Variants in MAP3K13 observed in about 807,000 individuals in gnomAD.
MAP3K13 encodes the protein leucine zipper-bearing kinase.
In MAP3K13, 52 loss-of-function variants were observed where a neutral mutation model predicts 104.0. The observed-to-expected ratio is 0.50, with a 90% CI of 0.40 to 0.63. The LOEUF (loss-of-function observed/expected upper bound fraction) is 0.63. Among genes scored for constraint, MAP3K13 ranks in the 20% least tolerant of loss-of-function variants. MAP3K13 has a pLI of 0.00. For synonymous variants in MAP3K13, 394 were observed against 442.2 expected (o/e 0.89, Z 1.37); for missense variants, 914 against 1,218.5 (o/e 0.75, Z 3.72).
intron 1 of MAP3K13, among the ~76,000 whole-genome samples, chr3:185,410,283 C>T (rs914871363): frequency 2.0e-5 from 3 of 152,110 alleles, no homozygotes; most frequent in South Asian, 4.2e-4. Flanking sequence ...CTCATTCATA[C>T]GCAGAAGCTA....
intron 2 of MAP3K13, among the ~76,000 whole-genome samples, chr3:185,321,178 C>T (rs200074817): frequency 6.7e-6 from 1 of 149,282 alleles, no homozygotes; most frequent in Non-Finnish European, 1.5e-5. Context: ...CGTGCACACA[C>T]ATATACACAT....
At chr3:185,345,923 A>G (rs1262587933) in intron 2 of MAP3K13, among the ~76,000 whole-genome samples, 1 of 148,780 alleles carries the variant, frequency 6.7e-6, no homozygotes, top group Non-Finnish European at 1.5e-5. Context: ...GACATAGTGT[A>G]TTACAGAATC....
At chr3:185,365,674 T>C (rs6769142) in intron 1 of MAP3K13, among the ~76,000 whole-genome samples, 34,222 of 151,502 alleles carry the variant, frequency 0.23, 4,116 homozygotes, top group Admixed American at 0.29. Context: ...AAAATAAAAA[T>C]AAAAAAATCA....
At chr3:185,362,964 C>CACACAT (rs1454201406), upstream of MAP3K13, 1 of 268,122 alleles carries the variant, frequency 3.7e-6, no homozygotes, top group Admixed American at 6.5e-5. Flanking sequence ...CACGCACACA[C>CACACAT]ACACACACAC....
chr3:185,328,022 AAAAT>A (rs544845777), intron 2 of MAP3K13, among the ~76,000 whole-genome samples: 1 of 152,002 alleles, frequency 6.6e-6, no homozygotes, highest in Non-Finnish European at 1.5e-5. Flanking sequence ...AGGAAGGAAT[AAAAT>A]AAAGAAATAT....
intron 1 of MAP3K13, among the ~76,000 whole-genome samples, chr3:185,404,428 C>A (rs1018809808): frequency 6.6e-5 from 10 of 152,134 alleles, no homozygotes; most frequent in African/African-American, 2.4e-4. Context: ...AAATTGATGG[C>A]AAAGTTTACA....
chr3:185,463,083 T>C (rs1717205846), intron 7 of MAP3K13, among the ~76,000 whole-genome samples: 1 of 152,224 alleles, frequency 6.6e-6, no homozygotes, highest in Non-Finnish European at 1.5e-5. Flanking sequence ...TCTTCTACTC[T>C]AGGTATTTTC....
At chr3:185,372,399 A>G (rs1724206010) in intron 1 of MAP3K13, among the ~76,000 whole-genome samples, 1 of 152,232 alleles carries the variant, frequency 6.6e-6, no homozygotes, top group Non-Finnish European at 1.5e-5. Context: ...TGCTTGTGTT[A>G]ATGATTGAAG....
intron 12 of MAP3K13, among the ~76,000 whole-genome samples, chr3:185,477,847 G>T (rs1718217716): frequency 6.6e-6 from 1 of 152,188 alleles, no homozygotes; most frequent in South Asian, 2.1e-4. Context: ...AGTTCCTGAT[G>T]AGGGCTCTCC....
chr3:185,394,100 A>G (rs1253026486), intron 1 of MAP3K13, among the ~76,000 whole-genome samples: 1 of 152,196 alleles, frequency 6.6e-6, no homozygotes, highest in Admixed American at 6.5e-5. Context: ...AGGTGGGGTC[A>G]GGGAAGAGGA....
intron 2 of MAP3K13, among the ~76,000 whole-genome samples, chr3:185,352,903 A>T (rs1577454590): frequency 6.6e-6 from 1 of 152,214 alleles, no homozygotes; most frequent in East Asian, 1.9e-4. Context: ...AATACAATAT[A>T]AATTGATTGA....
chr3:185,414,006 T>A (rs1003708088), intron 1 of MAP3K13, among the ~76,000 whole-genome samples: 4 of 152,190 alleles, frequency 2.6e-5, no homozygotes, highest in African/African-American at 9.7e-5. Flanking sequence ...TAGACCTTTT[T>A]TAGTTAAACA....
At position 185,457,959 on chromosome 3, in the gene MAP3K13, C is replaced by T. The variant is rs1452517690; in HGVS notation, c.1279-5591C>T. ...GTTACACTAAACCTCAGCTTATTCACCAAAACAATGAAGATAATCCTATCT... is the reference window on the plus strand; with the variant it reads ...GTTACACTAAACCTCAGCTTATTCATCAAAACAATGAAGATAATCCTATCT... On this transcript the variant is annotated intron_variant, in intron 7 of 13. Coordinates refer to ENST00000265026, the MANE Select transcript of MAP3K13 (RefSeq NM_004721.5). Among the ~76,000 whole-genome samples the T allele has an allele frequency of 2.0e-5, 3 of 152,136 alleles. No homozygotes were observed. The East Asian group carries it at 5.8e-4, about 29-fold the overall frequency.
chr3:185,444,611 G>A (rs1378411957), intron 4 of MAP3K13, among the ~76,000 whole-genome samples: 1 of 152,096 alleles, frequency 6.6e-6, no homozygotes. Flanking sequence ...TGATTTCTTG[G>A]CTACCAATCA....
At chr3:185,480,922 C>T (rs951928815) in intron 13 of MAP3K13, among the ~76,000 whole-genome samples, 10 of 152,170 alleles carry the variant, frequency 6.6e-5, no homozygotes, top group African/African-American at 2.2e-4. Flanking sequence ...GAAATCCACT[C>T]CCATGATCTA....
In MAP3K13 at chr3:185,488,004, T is replaced by C. The variant is rs1306508556; in HGVS notation, c.*5548T>C. ...CACTTGCCTCTACCCACTGCCCTTT[T>C]GGACAACAATTCCAATTGAAGGAAC... On this transcript the variant is annotated 3_prime_UTR_variant, in exon 14 of 14. Coordinates refer to ENST00000265026, the MANE Select transcript of MAP3K13 (RefSeq NM_004721.5). The C allele has an allele frequency of 6.6e-6, 1 of 152,230 alleles. No homozygotes were observed. Among genetic ancestry groups the C allele is most frequent in the African/African-American group, 2.4e-5 (1 of 41,454 alleles). 9.4% of individuals were successfully genotyped at this position (152,230 alleles called of 1,614,324 possible). A position where few individuals can be genotyped will look rare whatever the true frequency, so the allele number is the denominator to read the frequency against.
At position 185,372,839 on chromosome 3, in the gene MAP3K13, A is replaced by G. The variant is rs1724226259; in HGVS notation, c.-86+9471A>G. ...AGATGATAAGATAACCTTATTATTA[A>G]TGCAGAGCAAAGAGGACCCTAAGAT... On this transcript the variant is annotated intron_variant, in intron 1 of 13. Coordinates refer to ENST00000265026, the MANE Select transcript of MAP3K13 (RefSeq NM_004721.5). Among the ~76,000 whole-genome samples, 4 of 152,226 alleles carry G rather than the reference A, an allele frequency of 2.6e-5. No homozygotes were observed. In the South Asian group the frequency reaches 8.3e-4, roughly 32 times the overall value.
intron 2 of MAP3K13, among the ~76,000 whole-genome samples, chr3:185,311,655 A>C (rs1044032611): frequency 3.9e-5 from 6 of 152,058 alleles, no homozygotes; most frequent in Non-Finnish European, 8.8e-5. Flanking sequence ...TGGTATGTAG[A>C]CCTTTAGTTA....
chr3:185,416,701 T>C (rs1388886373), intron 1 of MAP3K13, among the ~76,000 whole-genome samples: 1 of 152,152 alleles, frequency 6.6e-6, no homozygotes, highest in East Asian at 1.9e-4. Flanking sequence ...CAATCATGGC[T>C]CACTGCAGCT....
Sources: allele counts gnomAD v4.1 joint callset (sites outside exome capture counted in the v4.1 genomes callset), GRCh38; gene constraint gnomAD v4.1.1; transcripts MANE v1.5; gene names NCBI Gene and HGNC (gene_info 2026-07-23, HGNC 2026-07-21).